The following GRM8 variants were observed in gnomAD, a reference collection of about 807,000 sequenced individuals.
GRM8 encodes the protein glutamate metabotropic receptor 8.
In GRM8, 47 loss-of-function variants were observed where a neutral mutation model predicts 87.2. The observed-to-expected ratio is 0.54, with a 90% CI of 0.43 to 0.69. The LOEUF is 0.69. Among genes scored for constraint, GRM8 ranks in the 30% least tolerant of loss-of-function variants. The pLI, the probability that GRM8 is intolerant of heterozygous loss-of-function variation, is 0.00. For missense variants in GRM8, 1,019 were observed against 1,139.2 expected (o/e 0.89, Z 1.52); for synonymous variants, 396 against 404.5 (o/e 0.98, Z 0.25).
At chr7:127,129,195 T>A (rs895306740) in intron 2 of GRM8, among the ~76,000 whole-genome samples, 1 of 152,180 alleles carries the variant, frequency 6.6e-6, no homozygotes, top group African/African-American at 2.4e-5. Context: ...TTTTAATAAA[T>A]CTATAGAATC....
intron 8 of GRM8, among the ~76,000 whole-genome samples, chr7:126,549,351 G>T (rs1365435636): frequency 1.3e-5 from 2 of 151,886 alleles, no homozygotes; most frequent in Admixed American, 1.3e-4. Context: ...TTATTTTGGT[G>T]GGGAATTACA....
chr7:126,503,595 G>A (rs1316445712), intron 9 of GRM8, among the ~76,000 whole-genome samples: 2 of 151,902 alleles, frequency 1.3e-5, no homozygotes, highest in African/African-American at 4.8e-5. Flanking sequence ...TACAAAAAAA[G>A]GTTTAAAATC....
chr7:127,163,420 C>T (rs17863228), intron 2 of GRM8, among the ~76,000 whole-genome samples: 65,521 of 152,022 alleles, frequency 0.43, 14,676 homozygotes, highest in African/African-American at 0.5. Flanking sequence ...CCTGGCAGAA[C>T]TCTCCTACAA....
At chr7:127,207,777 A>G (rs1305534431) in intron 2 of GRM8, among the ~76,000 whole-genome samples, 1 of 152,108 alleles carries the variant, frequency 6.6e-6, no homozygotes, top group South Asian at 2.1e-4. Flanking sequence ...ACCAGCATCA[A>G]TGTTAACATA....
chr7:126,446,427 A>C, intron 9 of GRM8, 55 bp from the exon 10 acceptor site: 1 of 1,182,268 alleles, frequency 8.5e-7, no homozygotes, highest in Non-Finnish European at 1.2e-6. Context: ...GTAGGAGATA[A>C]AGCAAATAAC....
chr7:126,982,376 G>C (rs1178604240), intron 3 of GRM8, among the ~76,000 whole-genome samples: 1 of 152,120 alleles, frequency 6.6e-6, no homozygotes, highest in African/African-American at 2.4e-5. Flanking sequence ...ATCCAATCAA[G>C]TTGACACTCA....
intron 3 of GRM8, among the ~76,000 whole-genome samples, chr7:127,100,171 C>A (rs1456297960): frequency 6.6e-6 from 1 of 152,130 alleles, no homozygotes; most frequent in African/African-American, 2.4e-5. Flanking sequence ...TTATTTTAAG[C>A]CACTAGTATA....
At chr7:126,709,115 G>C (rs1042602804) in intron 7 of GRM8, among the ~76,000 whole-genome samples, 4 of 151,954 alleles carry the variant, frequency 2.6e-5, no homozygotes, top group Admixed American at 2.6e-4. Flanking sequence ...GAAAAAACAA[G>C]GAAAGGCTCT....
At chr7:126,576,584 C>T (rs1210682911) in intron 8 of GRM8, among the ~76,000 whole-genome samples, 1 of 152,082 alleles carries the variant, frequency 6.6e-6, no homozygotes, top group Non-Finnish European at 1.5e-5. Context: ...CACCCGGCCC[C>T]CAGCTTTTAA....
chr7:126,734,131 T>C (rs1813923120), intron 7 of GRM8, among the ~76,000 whole-genome samples: 1 of 152,004 alleles, frequency 6.6e-6, no homozygotes, highest in South Asian at 2.1e-4. Context: ...TTCCCAGAAC[T>C]ACATTAAAAA....
At chr7:126,724,648 T>C (rs1008236086) in intron 7 of GRM8, among the ~76,000 whole-genome samples, 1 of 152,208 alleles carries the variant, frequency 6.6e-6, no homozygotes, top group East Asian at 1.9e-4. Flanking sequence ...ATCTTCTTTA[T>C]GGTTGTGGAA....
intron 2 of GRM8, among the ~76,000 whole-genome samples, chr7:127,123,789 T>A (rs1171101481): frequency 1.3e-5 from 2 of 152,172 alleles, no homozygotes; most frequent in African/African-American, 4.8e-5. Flanking sequence ...GTAGAATGTA[T>A]CTTTTTCTTC....
intron 8 of GRM8, among the ~76,000 whole-genome samples, chr7:126,575,415 G>A (rs921193954): frequency 5.3e-5 from 8 of 151,762 alleles, no homozygotes; most frequent in African/African-American, 1.9e-4. Flanking sequence ...ATATTACAAT[G>A]TATTATAATA....
rs115755889 is a variant in GRM8, at chr7:126,823,720, A to C, written c.1157-53655T>G. ...TTCTACGTTTCTGCAATCAATGTGTATGTTAAACTCAGAACATATGTTAAT... is the reference window on the plus strand; with the variant it reads ...TTCTACGTTTCTGCAATCAATGTGTCTGTTAAACTCAGAACATATGTTAAT... On this transcript the variant is annotated intron_variant, in intron 6 of 10. Coordinates refer to ENST00000339582, the MANE Select transcript of GRM8 (RefSeq NM_000845.3). Among the ~76,000 whole-genome samples, 815 of 152,272 alleles carry C rather than the reference A, an allele frequency of 5.4e-3. 8 individuals carry two copies. Among genetic ancestry groups the C allele is most frequent in the African/African-American group, 0.019 (780 of 41,550 alleles).
chr7:126,586,147 G>A (rs1796101863), intron 8 of GRM8, among the ~76,000 whole-genome samples: 1 of 152,030 alleles, frequency 6.6e-6, no homozygotes, highest in Non-Finnish European at 1.5e-5. Context: ...ACTCTTCAAG[G>A]AGAACTACAA....
At chr7:126,486,213 T>C (rs1482996832) in intron 9 of GRM8, among the ~76,000 whole-genome samples, 1 of 152,092 alleles carries the variant, frequency 6.6e-6, no homozygotes, top group Non-Finnish European at 1.5e-5. Flanking sequence ...GGGCTCAGTC[T>C]GGCCTGCTCT....
chr7:127,121,693 G>A (rs1354936326), intron 2 of GRM8, among the ~76,000 whole-genome samples: 1 of 152,132 alleles, frequency 6.6e-6, no homozygotes, highest in Non-Finnish European at 1.5e-5. Context: ...AGCACAGCAG[G>A]GGTGAGGGAG....
At chr7:126,755,834 A>G (rs972308146) in intron 7 of GRM8, among the ~76,000 whole-genome samples, 1 of 151,972 alleles carries the variant, frequency 6.6e-6, no homozygotes, top group African/African-American at 2.4e-5. Flanking sequence ...CAGATGTAAG[A>G]ATGCTGTTTC....
intron 3 of GRM8, among the ~76,000 whole-genome samples, chr7:127,043,631 G>A (rs139859531): frequency 0.014 from 2,078 of 152,204 alleles, 58 homozygotes; most frequent in African/African-American, 0.048. Flanking sequence ...TGGGGAGCGG[G>A]GAGGGATAGC....
Sources: gnomAD v4.1 joint callset for allele counts (sites outside exome capture counted in the v4.1 genomes callset) on GRCh38, gnomAD v4.1.1 for gene constraint, MANE v1.5 for transcripts, NCBI Gene and HGNC (gene_info 2026-07-23, HGNC 2026-07-21) for gene names.